Variants in CADM1 observed in about 807,000 individuals in gnomAD.
The protein encoded by CADM1 is TSLC-1.
In CADM1, 15 loss-of-function variants were observed where a neutral mutation model predicts 53.1. That is an observed-to-expected ratio of 0.28 (90% CI 0.19 to 0.44). The LOEUF is 0.44. Among genes scored for constraint, CADM1 ranks in the 20% least tolerant of loss-of-function variants. The pLI, the probability that CADM1 is intolerant of heterozygous loss-of-function variation, is 1.00. For missense variants in CADM1, 434 were observed against 611.3 expected, an observed-to-expected ratio of 0.71 and a Z score of 3.06; for synonymous variants, 281 against 243.0, an observed-to-expected ratio of 1.16 and a Z score of -1.45.
chr11:115,330,296 C>T (rs1336899391), intron 1 of CADM1, among the ~76,000 whole-genome samples: 2 of 152,072 alleles, frequency 1.3e-5, no homozygotes, highest in African/African-American at 2.4e-5. Flanking sequence ...TAGATGTAAA[C>T]TCTTCAGGTA....
intron 7 of CADM1, among the ~76,000 whole-genome samples, chr11:115,211,528 G>A (rs866675579): frequency 1.6e-5 from 2 of 125,884 alleles, no homozygotes; most frequent in Non-Finnish European, 3.1e-5. Flanking sequence ...CGCCCAGGCT[G>A]GAGTGCAGTG....
chr11:115,296,106 A>G (rs1944071872), intron 1 of CADM1, among the ~76,000 whole-genome samples: 3 of 152,236 alleles, frequency 2.0e-5, no homozygotes, highest in Middle Eastern at 3.4e-3. Flanking sequence ...GAGTGCACCC[A>G]TGCCCAGCTA....
intron 10 of CADM1, among the ~76,000 whole-genome samples, chr11:115,187,118 G>A (rs1939598679): frequency 1.3e-5 from 2 of 152,272 alleles, no homozygotes; most frequent in African/African-American, 2.4e-5. Context: ...TTAGATTTAT[G>A]GGCTATAACT....
chr11:115,413,566 A>G (rs1332934898), intron 1 of CADM1, among the ~76,000 whole-genome samples: 2 of 131,908 alleles, frequency 1.5e-5, no homozygotes, highest in African/African-American at 2.6e-5. Flanking sequence ...AGAGATTACA[A>G]GACTTGAAAC....
intron 1 of CADM1, among the ~76,000 whole-genome samples, chr11:115,452,171 G>C (rs1386653356): frequency 2.9e-5 from 4 of 138,290 alleles, no homozygotes; most frequent in South Asian, 2.4e-4. Flanking sequence ...TGGGGGGGTG[G>C]GGGGGCTGGG....
At chr11:115,240,469 A>G (rs754128747) in intron 1 of CADM1, 49 bp from the exon 2 acceptor site, 4 of 1,597,408 alleles carry the variant, frequency 2.5e-6, no homozygotes, top group African/African-American at 2.7e-5. Context: ...ATCAATTAAA[A>G]TGTGATCAGT....
chr11:115,199,711 C>T (rs949947667), intron 8 of CADM1, among the ~76,000 whole-genome samples: 16 of 152,152 alleles, frequency 1.1e-4, no homozygotes, highest in African/African-American at 2.4e-4. Context: ...ATTCCTTCTA[C>T]GACTCATTGC....
chr11:115,433,796 C>G, intron 1 of CADM1, among the ~76,000 whole-genome samples: 1 of 152,176 alleles, frequency 6.6e-6, no homozygotes, highest in East Asian at 1.9e-4. Flanking sequence ...TGTGCAAACA[C>G]GTCGGCTGGT....
chr11:115,217,925 A>G lies in CADM1; in HGVS notation c.788T>C (p.Leu263Pro). 6.2e-7 allele frequency: 1 copy of G among 1,613,738 alleles called. No homozygotes were observed. Among genetic ancestry groups the G allele is most frequent in the Non-Finnish European group, 8.5e-7 (1 of 1,179,720 alleles). Residue 263 changes from leucine (L) to proline (P), a missense_variant, in exon 6 of 12, where the codon CTT (leucine) becomes CCT (proline). Coordinates refer to ENST00000331581, the MANE Select transcript of CADM1 (RefSeq NM_001301043.2). ...CCCGATGGCTTCACATGTTAACTCAAGCGCGTCCCCTTCCCGGGTTAAGCC... is the reference window on the plus strand; with the variant it reads ...CCCGATGGCTTCACATGTTAACTCAGGCGCGTCCCCTTCCCGGGTTAAGCC... ...LQGLTREGDA[L>P]ELTCEAIGKP...
At position 115,174,853 on chromosome 11, in the gene CADM1, C is replaced by T; in HGVS notation, c.*1621G>A. ...ATATGGTAAGAGTTTAGTTTCTGTC[C>T]TTCAGGACTACTTCTAGATTTCCTA... On this transcript the variant is annotated 3_prime_UTR_variant, in exon 12 of 12. Coordinates refer to ENST00000331581, the MANE Select transcript of CADM1 (RefSeq NM_001301043.2). 1.0e-6 allele frequency: 1 copy of T among 985,474 alleles called. No homozygotes were observed. The highest frequency in any genetic ancestry group is 1.2e-6 in the Non-Finnish European group (1 of 829,832). The allele number at this position is 985,474 out of a possible 1,614,324, so 61.0% of individuals were successfully genotyped here.
intron 9 of CADM1, among the ~76,000 whole-genome samples, chr11:115,197,067 G>A (rs1040266980): frequency 2.6e-5 from 4 of 152,100 alleles, no homozygotes; most frequent in Non-Finnish European, 5.9e-5. Flanking sequence ...GACCAGAAAG[G>A]GCAGAAAGAA....
At position 115,231,367 on chromosome 11, in the gene CADM1, T is replaced by C. The variant is rs1941806499; in HGVS notation, c.548A>G (p.Asn183Ser). 1 of 1,614,200 alleles carries C rather than the reference T, an allele frequency of 6.2e-7. No individual in the cohort carries two copies. Among genetic ancestry groups the C allele is most frequent in the Admixed American group, 1.7e-5 (1 of 60,028 alleles). ...CTGCAGCTTACCTTTTAGCTCTGTG[T>C]TCCCTTTGAACCACCTGATAGTCGT... ...PATTIRWFKG[N>S]TELKGKSEVE... The change falls in exon 4 of 12, where the codon AAC (asparagine) becomes AGC (serine). Residue 183 changes from asparagine to serine, a missense_variant. Transcript: ENST00000331581.
At chr11:115,286,305 C>G (rs935564628) in intron 1 of CADM1, among the ~76,000 whole-genome samples, 1 of 152,050 alleles carries the variant, frequency 6.6e-6, no homozygotes, top group South Asian at 2.1e-4. Context: ...TTTTCTCCCC[C>G]ACATCAACAC....
At chr11:115,397,465 T>A (rs1947029465) in intron 1 of CADM1, 1 of 152,100 alleles carries the variant, frequency 6.6e-6, no homozygotes, top group Non-Finnish European at 1.5e-5. Flanking sequence ...AGATGTAGAA[T>A]AGTACAGCTA....
intron 1 of CADM1, among the ~76,000 whole-genome samples, chr11:115,331,742 G>T (rs193220035): frequency 1.7e-3 from 264 of 152,160 alleles, no homozygotes; most frequent in South Asian, 5.2e-3. Context: ...AAAAAAATGG[G>T]TACAAAGGCT....
At chr11:115,501,153 G>A (rs1351090752) in intron 1 of CADM1, among the ~76,000 whole-genome samples, 2 of 151,932 alleles carry the variant, frequency 1.3e-5, no homozygotes, top group South Asian at 2.1e-4. Flanking sequence ...AGCTTGTCTC[G>A]TCACACAAGT....
intron 1 of CADM1, among the ~76,000 whole-genome samples, chr11:115,273,925 G>T (rs995709244): frequency 1.3e-5 from 2 of 152,186 alleles, no homozygotes; most frequent in Non-Finnish European, 2.9e-5. Flanking sequence ...ACATACTAGA[G>T]TGTTGGTCTT....
intron 1 of CADM1, among the ~76,000 whole-genome samples, chr11:115,409,573 T>C (rs1357451010): frequency 1.3e-5 from 2 of 152,006 alleles, no homozygotes; most frequent in African/African-American, 2.4e-5. Flanking sequence ...GGGTTTTTAA[T>C]GAAGCAGTAA....
intron 1 of CADM1, among the ~76,000 whole-genome samples, chr11:115,416,150 A>G (rs1947591070): frequency 6.6e-6 from 1 of 152,240 alleles, no homozygotes; most frequent in Non-Finnish European, 1.5e-5. Context: ...AAGTCAAACC[A>G]TTAATATACA....
Sources: gnomAD v4.1 joint callset for allele counts (sites outside exome capture counted in the v4.1 genomes callset) on GRCh38, gnomAD v4.1.1 for gene constraint, MANE v1.5 for transcripts, NCBI Gene and HGNC (gene_info 2026-07-23, HGNC 2026-07-21) for gene names.